EYS: variants seen among roughly 807,000 people sequenced by gnomAD.
EYS encodes protein eyes shut homolog.
Under a neutral mutation model 282.1 loss-of-function variants are expected in EYS, and 250 were observed. That is an observed-to-expected ratio of 0.89 (90% CI 0.80 to 0.98). The LOEUF (loss-of-function observed/expected upper bound fraction) is 0.98, where lower values mean the gene tolerates loss of function less well. Ranked by LOEUF, EYS falls within the 50% of genes least tolerant of loss-of-function variation. EYS has a pLI of 0.00. For missense variants in EYS, 4,016 were observed against 3,709.0 expected (o/e 1.08, Z -2.15); for synonymous variants, 1,355 against 1,282.9 (o/e 1.06, Z -1.20).
intron 22 of EYS, among the ~76,000 whole-genome samples, chr6:64,676,004 A>G (rs1386305711): frequency 6.7e-6 from 1 of 149,672 alleles, no homozygotes; most frequent in East Asian, 2.0e-4. Context: ...CAGATTCTAT[A>G]TATCTAGATA....
chr6:64,149,584 A>T (rs1350659558), intron 31 of EYS, among the ~76,000 whole-genome samples: 3 of 152,236 alleles, frequency 2.0e-5, no homozygotes, highest in African/African-American at 7.2e-5. Context: ...TTTAGGGACT[A>T]ACACGTGATA....
intron 8 of EYS, among the ~76,000 whole-genome samples, chr6:65,376,114 G>T (rs1765355770): frequency 6.6e-6 from 1 of 151,982 alleles, no homozygotes; most frequent in Non-Finnish European, 1.5e-5. Context: ...AAATGTTAAG[G>T]GCAGCCAGAG....
At chr6:64,584,408 TATA>T (rs760964094) in intron 26 of EYS, among the ~76,000 whole-genome samples, 3 of 151,508 alleles carry the variant, frequency 2.0e-5, no homozygotes, top group Non-Finnish European at 4.4e-5. Flanking sequence ...AAAATTTTAA[TATA>T]ATATTTAATA....
At chr6:65,611,579 T>C (rs1323555623) in intron 2 of EYS, among the ~76,000 whole-genome samples, 3 of 152,002 alleles carry the variant, frequency 2.0e-5, no homozygotes, top group African/African-American at 7.2e-5. Flanking sequence ...AAAAATTATA[T>C]TGATTGATCA....
At chr6:64,095,338 A>AGACAG (rs1562198094) in intron 31 of EYS, among the ~76,000 whole-genome samples, 14 of 152,034 alleles carry the variant, frequency 9.2e-5, no homozygotes, top group Non-Finnish European at 1.8e-4. Flanking sequence ...TGATCTGTCT[A>AGACAG]ATGTTGACAG....
At chr6:65,388,573 G>T (rs1226239765) in intron 7 of EYS, among the ~76,000 whole-genome samples, 1 of 151,916 alleles carries the variant, frequency 6.6e-6, no homozygotes, top group Non-Finnish European at 1.5e-5. Context: ...CAAATACCAA[G>T]GATTGAAGCA....
chr6:64,200,513 T>A (rs1364352522), intron 31 of EYS, among the ~76,000 whole-genome samples: 1 of 152,138 alleles, frequency 6.6e-6, no homozygotes, highest in Admixed American at 6.5e-5. Flanking sequence ...TACTAGCCTA[T>A]GGTAAGTAAA....
intron 5 of EYS, among the ~76,000 whole-genome samples, chr6:65,449,534 A>G (rs921989389): frequency 3.3e-5 from 5 of 152,088 alleles, no homozygotes; most frequent in African/African-American, 1.2e-4. Flanking sequence ...ATTGTTGCCT[A>G]TAATTATTAA....
intron 35 of EYS, among the ~76,000 whole-genome samples, chr6:63,926,625 A>T (rs1052197135): frequency 2.0e-5 from 3 of 152,246 alleles, no homozygotes; most frequent in Non-Finnish European, 4.4e-5. Flanking sequence ...TACTTGGGCC[A>T]CATTTTGACA....
At chr6:64,038,423 T>C (rs1220559880) in intron 33 of EYS, among the ~76,000 whole-genome samples, 3 of 152,146 alleles carry the variant, frequency 2.0e-5, no homozygotes, top group African/African-American at 7.2e-5. Flanking sequence ...ATGTTGTACA[T>C]GATAAATATA....
chr6:64,327,250 G>T (rs1330522980), intron 29 of EYS, among the ~76,000 whole-genome samples: 3 of 152,122 alleles, frequency 2.0e-5, no homozygotes, highest in African/African-American at 4.8e-5. Flanking sequence ...GCATGCTCCT[G>T]GCTAAGCAGT....
intron 38 of EYS, 57 bp from the exon 39 acceptor site, chr6:63,788,306 T>A: frequency 7.5e-7 from 1 of 1,336,688 alleles, no homozygotes; most frequent in Non-Finnish European, 1.0e-6. Flanking sequence ...GGGTGAAATG[T>A]TAAGATACTC....
At chr6:64,849,989 GAGA>G (rs1765833315) in intron 19 of EYS, among the ~76,000 whole-genome samples, 4 of 151,936 alleles carry the variant, frequency 2.6e-5, no homozygotes, top group African/African-American at 4.8e-5. Flanking sequence ...CACTCACAGG[GAGA>G]AGATTACAGG....
At chr6:64,328,457 A>T (rs1770510858) in intron 29 of EYS, among the ~76,000 whole-genome samples, 1 of 152,180 alleles carries the variant, frequency 6.6e-6, no homozygotes, top group Non-Finnish European at 1.5e-5. Context: ...ATATTGGAAA[A>T]GTCTCAGAGG....
intron 19 of EYS, among the ~76,000 whole-genome samples, chr6:64,830,256 C>T (rs1016153841): frequency 8.6e-5 from 13 of 151,856 alleles, no homozygotes; most frequent in African/African-American, 3.1e-4. Flanking sequence ...TCCTCTAGAC[C>T]TATAAGAAAT....
intron 26 of EYS, among the ~76,000 whole-genome samples, chr6:64,502,885 T>C (rs1777099379): frequency 2.0e-5 from 3 of 152,330 alleles, no homozygotes; most frequent in Middle Eastern, 3.4e-3. Flanking sequence ...AATACTCTTA[T>C]AGCACATCAA....
Position 63,721,398 on chromosome 6 carries a change from G to GCTGT in EYS, c.8629_8632dup (p.Ala2878AspfsTer13). On this transcript the variant is annotated frameshift_variant, in exon 43 of 43. Coordinates refer to ENST00000503581, the MANE Select transcript of EYS (RefSeq NM_001142800.2). LOFTEE classifies it low-confidence loss of function (END_TRUNC). ...ATTTCTGCATGTGTTGTACCCACAG[G>GCTGT]CTGTCCCATCACAGTCACCTACATT... 1 of 1,551,552 alleles carries GCTGT rather than the reference G, an allele frequency of 6.4e-7. No homozygotes were observed. Among genetic ancestry groups the GCTGT allele is most frequent in the Non-Finnish European group, 8.7e-7 (1 of 1,146,858 alleles).
intron 35 of EYS, among the ~76,000 whole-genome samples, chr6:63,877,390 G>A (rs1043345607): frequency 2.6e-5 from 4 of 152,042 alleles, no homozygotes; most frequent in African/African-American, 7.2e-5. Context: ...TTTCTCTCTG[G>A]CCGCCCTTAA....
rs148058402 is a variant in EYS, at chr6:63,978,407, C to T, written c.7055+5976G>A. On this transcript the variant is annotated intron_variant, in intron 35 of 42. Transcript: ENST00000503581. ...TTCTAGTGCAAGGGACACTTAAATC[C>T]TATGTACAATTTCAAGGATGTAGAC... Among the ~76,000 whole-genome samples, 701 of 151,926 alleles carry T rather than the reference C, an allele frequency of 4.6e-3. 6 individuals carry two copies. Among genetic ancestry groups the T allele is most frequent in the African/African-American group, 0.016 (671 of 41,476 alleles).
Sources: allele counts gnomAD v4.1 joint callset (sites outside exome capture counted in the v4.1 genomes callset), GRCh38; gene constraint gnomAD v4.1.1; transcripts MANE v1.5; gene names NCBI Gene and HGNC (gene_info 2026-07-23, HGNC 2026-07-21).